BAHCC1: variants seen among roughly 807,000 people sequenced by gnomAD.
The protein encoded by BAHCC1 is BAH domain and coiled-coil containing 1.
In BAHCC1, 43 loss-of-function variants were observed where a neutral mutation model predicts 88.2. The observed-to-expected ratio is 0.49, with a 90% CI of 0.38 to 0.63. BAHCC1 has a LOEUF of 0.63. BAHCC1 is among the 20% of genes least tolerant of loss of function. The probability of loss-of-function intolerance (pLI) is 0.00; values close to 1 mark genes in which losing one functional copy is unlikely to be tolerated. For missense variants in BAHCC1, 3,023 were observed against 1,654.8 expected (o/e 1.83, Z -14.34); for synonymous variants, 1,510 against 745.5 (o/e 2.03, Z -16.71).
intron 3 of BAHCC1, among the ~76,000 whole-genome samples, chr17:81,433,127 G>A (rs2064288988): frequency 6.6e-6 from 1 of 151,598 alleles, no homozygotes; most frequent in Non-Finnish European, 1.5e-5. Flanking sequence ...CTGCAGGCCT[G>A]TGGATGGGGA....
rs1555653047 is a variant in BAHCC1 at position 81,442,885 on chromosome 17, G to A, written c.1536G>A (p.Leu512=). 2 of 779,358 alleles carry A rather than the reference G, an allele frequency of 2.6e-6. No individual in the cohort carries two copies. Among genetic ancestry groups the A allele is most frequent in the Non-Finnish European group, 4.8e-6 (2 of 417,886 alleles). The allele number at this position is 779,358 out of a possible 1,614,324, so 48.3% of individuals were successfully genotyped here. A position where few individuals can be genotyped will look rare whatever the true frequency, so the allele number is the denominator to read the frequency against. ...DCARPGHQDP[L]GGKAPQACCT... is the part of the protein sequence containing the mutation. ...CCCGGCCTGGTCACCAGGACCCGCT[G>A]GGCGGGAAGGCCCCCCAGGCCTGCT... Residue 512 remains leucine, a synonymous_variant, in exon 5 of 28, where the codon CTG becomes CTA. Transcript: ENST00000675386.
In BAHCC1 at chr17:81,458,633, G is replaced by A. The variant is rs1555658183; in HGVS notation, c.5356G>A (p.Ala1786Thr). The change falls in exon 19 of 28, where the codon GCC becomes ACC. Residue 1786 changes from alanine (A) to threonine (T), a missense_variant. Physicochemically the swap from Ala to Thr is moderately conservative, Grantham distance 58. Transcript: ENST00000675386. ...LQPVLRRKNG[A>T]LSITLATRNA... Reference sequence around the variant, plus strand: ...TGCCCACGCGCAGCGGAAGAACGGGGCCCTGTCCATCACGCTGGCCACACG... The same window carrying A: ...TGCCCACGCGCAGCGGAAGAACGGGACCCTGTCCATCACGCTGGCCACACG... 2 of 717,456 alleles carry A rather than the reference G, an allele frequency of 2.8e-6. No homozygotes were observed. The highest frequency in any genetic ancestry group is 2.0e-5 in the Admixed American group (1 of 50,076). 44.4% of individuals were successfully genotyped at this position (717,456 alleles called of 1,614,324 possible).
At chr17:81,407,730 C>T (rs892952856) in intron 2 of BAHCC1, among the ~76,000 whole-genome samples, 2 of 152,212 alleles carry the variant, frequency 1.3e-5, no homozygotes, top group African/African-American at 2.4e-5. Context: ...GTAAGGATAT[C>T]CCAGCGGGGT....
intron 4 of BAHCC1, among the ~76,000 whole-genome samples, chr17:81,440,252 G>A (rs539409940): frequency 6.6e-6 from 1 of 152,322 alleles, no homozygotes; most frequent in East Asian, 1.9e-4. Flanking sequence ...GCAGGTGGCG[G>A]GTCCCAACCC....
intron 6 of BAHCC1, 108 bp from the exon 7 acceptor site, chr17:81,444,273 C>A (rs2064479296): frequency 1.6e-6 from 1 of 628,688 alleles, no homozygotes; most frequent in Non-Finnish European, 2.8e-6. Context: ...GCATTGGCAC[C>A]GTTGGTGGGG....
chr17:81,419,292 A>G (rs1335083321), intron 2 of BAHCC1, among the ~76,000 whole-genome samples: 2 of 152,172 alleles, frequency 1.3e-5, no homozygotes, highest in African/African-American at 4.8e-5. Context: ...TGGGCAGCCA[A>G]ATGGTCAGAT....
chr17:81,446,350 G>A (rs2064526630), intron 10 of BAHCC1, among the ~76,000 whole-genome samples: 1 of 151,766 alleles, frequency 6.6e-6, no homozygotes. Context: ...CTGGTTCAGG[G>A]AAAACCCTGA....
Position 81,435,611 on chromosome 17 carries a change from C to T in BAHCC1, c.359-2759C>T, listed in dbSNP as rs868906981. The T allele has an allele frequency of 4.3e-5, 18 of 421,876 alleles. No homozygotes were observed. In the Middle Eastern group the frequency reaches 3.2e-3, roughly 75 times the overall value. The allele number at this position is 421,876 out of a possible 1,614,324, so 26.1% of individuals were successfully genotyped here. ...AGCAGGAGCTTGCAGTTGAGGACCTCTGGCTCTGGGTTCATATGGCCCCAG... is the reference window on the plus strand; with the variant it reads ...AGCAGGAGCTTGCAGTTGAGGACCTTTGGCTCTGGGTTCATATGGCCCCAG... On this transcript the variant is annotated intron_variant, in intron 3 of 27. Coordinates refer to ENST00000675386, the MANE Select transcript of BAHCC1 (RefSeq NM_001377448.1). The surrounding 1 kb of genome is among the most constrained non-coding windows in gnomAD (Gnocchi z 4.4).
At chr17:81,404,786 C>CT (rs2063859313) in intron 2 of BAHCC1, among the ~76,000 whole-genome samples, 2 of 152,162 alleles carry the variant, frequency 1.3e-5, no homozygotes, top group Non-Finnish European at 2.9e-5. Flanking sequence ...CTCCTGGAGG[C>CT]TGAGGCGTGG....
Position 81,395,653 on chromosome 17 carries a change from C to T in BAHCC1, c.-207+18C>T, listed in dbSNP as rs2063739115. 1.1e-5 allele frequency: 1 copy of T among 88,528 alleles called. No individual in the cohort carries two copies. The allele number at this position is 88,528 out of a possible 1,614,324, so 5.5% of individuals were successfully genotyped here. On this transcript the variant is annotated intron_variant, in intron 1 of 27. Coordinates refer to ENST00000675386, the MANE Select transcript of BAHCC1 (RefSeq NM_001377448.1). ...AGCCTCCAGTAAGTAACTGAAATTG[C>T]TTTCATTTTTTTTTTGTTTTTGTAT... is the stretch of plus-strand genomic sequence containing the variant.
chr17:81,398,417 T>G (rs1258878047), intron 1 of BAHCC1, among the ~76,000 whole-genome samples: 1 of 152,172 alleles, frequency 6.6e-6, no homozygotes, highest in East Asian at 1.9e-4. Context: ...GGCAGAAGGT[T>G]GTGCTGGGCC....
Position 81,460,716 on chromosome 17 carries a change from C to T in BAHCC1, c.6202+10C>T, listed in dbSNP as rs782069841. 24 of 774,396 alleles carry T rather than the reference C, an allele frequency of 3.1e-5. No homozygotes were observed. The highest frequency in any genetic ancestry group is 4.5e-4 in the Middle Eastern group (2 of 4,460). The allele number at this position is 774,396 out of a possible 1,614,324, so 48.0% of individuals were successfully genotyped here. Reference sequence around the variant, plus strand: ...AGCAAAGACAAAGCTGGTATTTTACCGGACTTCCCAGAATCCGGATCGGGG... The same window carrying T: ...AGCAAAGACAAAGCTGGTATTTTACTGGACTTCCCAGAATCCGGATCGGGG... On this transcript the variant is annotated intron_variant, in intron 25 of 27. Transcript: ENST00000675386.
rs564272817 is a variant in BAHCC1, at chr17:81,407,394, C to T, written c.178+7477C>T. 2.1e-5 allele frequency: 11 copies of T among 520,054 alleles called. No homozygotes were observed. In the East Asian group the frequency reaches 4.4e-4, roughly 21 times the overall value. 32.2% of individuals were successfully genotyped at this position (520,054 alleles called of 1,614,324 possible). ...GGGAAGTCGGGTCTCAGTGCGACTC[C>T]CTCTCTCTCCGGTCCTTGGAGCACA... On this transcript the variant is annotated intron_variant, in intron 2 of 27. Coordinates refer to ENST00000675386, the MANE Select transcript of BAHCC1 (RefSeq NM_001377448.1).
At position 81,461,946 on chromosome 17, in the gene BAHCC1, T is replaced by A; in HGVS notation, c.7283T>A (p.Leu2428His). ...CTGAGCTTCTCCAAAGCCAAAGAGC[T>A]CTCCCGGAGGCAGCGGCCGCCCTCC... Reference protein sequence around the residue: ...EALSFSKAKELSRRQRPPSVE... With the variant: ...EALSFSKAKEHSRRQRPPSVE... Residue 2428 changes from leucine to histidine, a missense_variant, in exon 26 of 28, where the codon CTC (leucine) becomes CAC (histidine). By Grantham distance (99) the Leu-to-His change is moderately conservative (BLOSUM62 -3). Transcript: ENST00000675386. The A allele has an allele frequency of 1.3e-6, 1 of 766,244 alleles. No individual in the cohort carries two copies. The highest frequency in any genetic ancestry group is 2.4e-6 in the Non-Finnish European group (1 of 412,056). 47.5% of individuals were successfully genotyped at this position (766,244 alleles called of 1,614,324 possible). A position where few individuals can be genotyped will look rare whatever the true frequency, so the allele number is the denominator to read the frequency against.
At position 81,405,007 on chromosome 17, in the gene BAHCC1, A is replaced by G. The variant is rs558715852; in HGVS notation, c.178+5090A>G. 3.9e-5 allele frequency among the ~76,000 whole-genome samples: 6 copies of G among 152,230 alleles called. No homozygotes were observed. In the South Asian group the frequency reaches 1.2e-3, roughly 32 times the overall value. On this transcript the variant is annotated intron_variant, in intron 2 of 27. Coordinates refer to ENST00000675386, the MANE Select transcript of BAHCC1 (RefSeq NM_001377448.1). ...TACTTGACCAGAAAAGCCACTGTGG[A>G]TATGATCTGAAGCTAGAATAGTAGC...
In BAHCC1 at chr17:81,435,113, A is replaced by T. The variant is rs1018670504; in HGVS notation, c.359-3257A>T. ...TGCCCCAGGGGCACCCCCGACCCCCACTGACTGCCCACTCTCTCTCCTCCT... is the reference window on the plus strand; with the variant it reads ...TGCCCCAGGGGCACCCCCGACCCCCTCTGACTGCCCACTCTCTCTCCTCCT... On this transcript the variant is annotated intron_variant, in intron 3 of 27. Transcript: ENST00000675386. The surrounding 1 kb of genome is among the most constrained non-coding windows in gnomAD (Gnocchi z 4.4). Among the ~76,000 whole-genome samples the T allele has an allele frequency of 6.7e-6, 1 of 149,524 alleles. No individual in the cohort carries two copies. Among genetic ancestry groups the T allele is most frequent in the Non-Finnish European group, 1.5e-5 (1 of 67,262 alleles).
chr17:81,427,327 C>T (rs1028669281), intron 3 of BAHCC1, among the ~76,000 whole-genome samples: 18 of 152,178 alleles, frequency 1.2e-4, no homozygotes, highest in Non-Finnish European at 1.9e-4. Flanking sequence ...TGGCCGTGCC[C>T]CACCTCCCCA....
chr17:81,454,140 A>G (rs912835462), intron 14 of BAHCC1, among the ~76,000 whole-genome samples: 2 of 152,202 alleles, frequency 1.3e-5, no homozygotes, highest in African/African-American at 4.8e-5. Context: ...CTAGCCAAGA[A>G]CAGGCAGAGA....
intron 2 of BAHCC1, among the ~76,000 whole-genome samples, chr17:81,425,673 G>C (rs202149951): frequency 5.9e-5 from 1 of 16,970 alleles, no homozygotes; most frequent in South Asian, 1.8e-3. Flanking sequence ...TGGTGGTGAT[G>C]GTGGGTGATG....
Sources: gnomAD v4.1 joint callset for allele counts (sites outside exome capture counted in the v4.1 genomes callset) on GRCh38, gnomAD v4.1.1 for gene constraint, Gnocchi (gnomAD v3.1) non-coding constraint, MANE v1.5 for transcripts, NCBI Gene and HGNC (gene_info 2026-07-23, HGNC 2026-07-21) for gene names.